The following LINS1 variants were observed in gnomAD, a reference collection of about 807,000 sequenced individuals.
LINS1 encodes the protein lines homolog 1.
In LINS1, 27 loss-of-function variants were observed where a neutral mutation model predicts 41.6. The observed-to-expected ratio is 0.65, with a 90% confidence interval of 0.48 to 0.89. The LOEUF (loss-of-function observed/expected upper bound fraction) is 0.89. Among genes scored for constraint, LINS1 ranks in the 40% least tolerant of loss-of-function variants. The pLI, the probability that LINS1 is intolerant of heterozygous loss-of-function variation, is 0.00. For missense variants in LINS1, 955 were observed against 884.1 expected, an observed-to-expected ratio of 1.08 and a Z score of -1.02; for synonymous variants, 336 against 312.9, an observed-to-expected ratio of 1.07 and a Z score of -0.78.
rs568671151 is a variant in LINS1, at chr15:100,585,304, T to A, written c.-103-4359A>T. Reference sequence around the variant, plus strand: ...GTTCTGAGGTCTAGTCCTAAACTCTTCTTAGAACCTTCTCTCGCAGTTGCA... The same window carrying A: ...GTTCTGAGGTCTAGTCCTAAACTCTACTTAGAACCTTCTCTCGCAGTTGCA... On this transcript the variant is annotated intron_variant, in intron 1 of 6. Coordinates refer to ENST00000314742, the MANE Select transcript of LINS1 (RefSeq NM_001040616.3). 1.6e-4 allele frequency among the ~76,000 whole-genome samples: 24 copies of A among 152,302 alleles called. No individual in the cohort carries two copies. In the East Asian group the frequency reaches 4.6e-3, roughly 29 times the overall value.
rs757839684 is a variant in LINS1, at chr15:100,597,867, G to C, written c.-104+4254C>G. Among the ~76,000 whole-genome samples, 4 of 152,188 alleles carry C rather than the reference G, an allele frequency of 2.6e-5. No individual in the cohort carries two copies. The East Asian group carries it at 7.7e-4, about 29-fold the overall frequency. On this transcript the variant is annotated intron_variant, in intron 1 of 6. Coordinates refer to ENST00000314742, the MANE Select transcript of LINS1 (RefSeq NM_001040616.3). ...GATCTGATTTTTCAATTGATAAAAC[G>C]AGATTATCTACCTACCTCAGCCAAG...
At chr15:100,577,765 T>C (rs1036353822) in intron 3 of LINS1, among the ~76,000 whole-genome samples, 4 of 152,140 alleles carry the variant, frequency 2.6e-5, no homozygotes, top group African/African-American at 9.7e-5. Context: ...GCTACCTGAC[T>C]TCCAACTATA....
intron 1 of LINS1, among the ~76,000 whole-genome samples, chr15:100,585,871 T>A (rs973283365): frequency 2.6e-5 from 4 of 152,222 alleles, no homozygotes; most frequent in Admixed American, 2.6e-4. Context: ...TTCAGAACCG[T>A]CAGCATACAT....
rs527939287 is a variant in LINS1, at chr15:100,580,829, C to T, written c.14G>A (p.Cys5Tyr). Residue 5 changes from cysteine to tyrosine, a missense_variant, in exon 2 of 7, where the codon TGT becomes TAT. Physicochemically the swap from Cys to Tyr is radical, Grantham distance 194. Transcript: ENST00000314742. The part of the protein sequence containing the change: MKVF[C>Y]EVLEELYKKV... ...CTTGTATAACTCTTCTAAAACTTCACAGAAAACTTTCATTTTGACTTCCAA... is the reference window on the plus strand; with the variant it reads ...CTTGTATAACTCTTCTAAAACTTCATAGAAAACTTTCATTTTGACTTCCAA... 1 of 1,612,308 alleles carries T rather than the reference C, an allele frequency of 6.2e-7. No individual in the cohort carries two copies. Among genetic ancestry groups the T allele is most frequent in the South Asian group, 1.1e-5 (1 of 90,814 alleles).
At chr15:100,595,295 G>A (rs901820884) in intron 1 of LINS1, among the ~76,000 whole-genome samples, 1 of 151,388 alleles carries the variant, frequency 6.6e-6, no homozygotes, top group Non-Finnish European at 1.5e-5. Context: ...CAAAGCACAT[G>A]ACTAGTACCT....
intron 1 of LINS1, among the ~76,000 whole-genome samples, chr15:100,600,551 C>CAAAAAAGAAAAAAAAAAAAA (rs2039437157): frequency 1.3e-5 from 1 of 79,674 alleles, no homozygotes; most frequent in Non-Finnish European, 2.2e-5. Flanking sequence ...TGCTGTTAAG[C>CAAAAAAGAAAAAAAAAAAAA]AAAAAAAAAA....
chr15:100,578,433 A>T (rs1188985202), intron 3 of LINS1, among the ~76,000 whole-genome samples: 2 of 151,928 alleles, frequency 1.3e-5, no homozygotes, highest in East Asian at 3.9e-4. Flanking sequence ...AATGCTCATC[A>T]TCACTGGCCA....
intron 1 of LINS1, among the ~76,000 whole-genome samples, chr15:100,588,564 G>A (rs2038908047): frequency 1.3e-5 from 2 of 152,074 alleles, no homozygotes; most frequent in Non-Finnish European, 2.9e-5. Flanking sequence ...TAAACATTTG[G>A]TCTAAATTAT....
At position 100,567,022 on chromosome 15, in the gene LINS1, C is replaced by T. The variant is rs1567706602; in HGVS notation, c.*2216G>A. 1 of 150,266 alleles carries T rather than the reference C, an allele frequency of 6.7e-6. No individual in the cohort carries two copies. Among genetic ancestry groups the T allele is most frequent in the South Asian group, 2.2e-4 (1 of 4,466 alleles). 9.3% of individuals were successfully genotyped at this position (150,266 alleles called of 1,614,324 possible). A position where few individuals can be genotyped will look rare whatever the true frequency, so the allele number is the denominator to read the frequency against. ...CAAAAAACAGCCATGTGTCACATGA[C>T]AGGGACATGTTCTGAGAAATGAGCT... is the stretch of plus-strand genomic sequence containing the variant. On this transcript the variant is annotated 3_prime_UTR_variant, in exon 7 of 7. Coordinates refer to ENST00000314742, the MANE Select transcript of LINS1 (RefSeq NM_001040616.3).
At chr15:100,595,911 A>G (rs2039223206) in intron 1 of LINS1, among the ~76,000 whole-genome samples, 1 of 152,182 alleles carries the variant, frequency 6.6e-6, no homozygotes, top group Non-Finnish European at 1.5e-5. Flanking sequence ...CCCTCCACCA[A>G]TCGAAACTGC....
At chr15:100,572,899 T>C in intron 5 of LINS1, 1 of 695,192 alleles carries the variant, frequency 1.4e-6, no homozygotes, top group Non-Finnish European at 1.8e-6. Flanking sequence ...ACTAATTGTA[T>C]GAAGGATTAA....
chr15:100,576,901 A>G (rs546860703), intron 3 of LINS1, among the ~76,000 whole-genome samples: 114 of 152,374 alleles, frequency 7.5e-4, no homozygotes, highest in African/African-American at 2.6e-3. Context: ...AATCCATCAT[A>G]TAAACAGAAC....
chr15:100,592,214 T>G (rs528178555), intron 1 of LINS1, among the ~76,000 whole-genome samples: 1 of 152,390 alleles, frequency 6.6e-6, no homozygotes, highest in East Asian at 1.9e-4. Context: ...ACTTTCATTT[T>G]CAATAAATCT....
chr15:100,572,810 A>T (rs149663737), intron 5 of LINS1: 1 of 934,734 alleles, frequency 1.1e-6, no homozygotes, highest in African/African-American at 1.8e-5. Context: ...TATATGTAAC[A>T]ATTTCTTTGT....
chr15:100,598,236 A>T (rs1224940913), intron 1 of LINS1, among the ~76,000 whole-genome samples: 2 of 152,204 alleles, frequency 1.3e-5, no homozygotes, highest in Admixed American at 1.3e-4. Flanking sequence ...ACAGCATTTG[A>T]TACACAGTAG....
In LINS1 at chr15:100,572,036, G is replaced by A; in HGVS notation, c.1252C>T (p.Leu418=). ...VDLQRFMSEL[L]TFLKPHLQPS... ...TGAAGATGAGGCTTTAAGAAGGTCA[G>A]TAACTCAGACATGAACCTCTGTAAG... The change falls in exon 6 of 7, where the codon CTG becomes TTG. Residue 418 remains leucine, a synonymous_variant. Transcript: ENST00000314742. 6.2e-7 allele frequency: 1 copy of A among 1,614,190 alleles called. No individual in the cohort carries two copies. The highest frequency in any genetic ancestry group is 8.5e-7 in the Non-Finnish European group (1 of 1,180,026).
chr15:100,585,072 A>G (rs2038739973), intron 1 of LINS1, among the ~76,000 whole-genome samples: 1 of 152,210 alleles, frequency 6.6e-6, no homozygotes, highest in African/African-American at 2.4e-5. Flanking sequence ...ATCAAATTAT[A>G]TGGATGTTAA....
At position 100,569,135 on chromosome 15, in the gene LINS1, A is replaced by AAG. The variant is rs2037658962; in HGVS notation, c.*102_*103insCT. On this transcript the variant is annotated 3_prime_UTR_variant, in exon 7 of 7. Coordinates refer to ENST00000314742, the MANE Select transcript of LINS1 (RefSeq NM_001040616.3). ...GAGATTCTGTCTCAAAAAAAAAAAA[A>AAG]AAAAAGAAAACCCTTTTATGGTGAT... 1.0e-5 allele frequency: 8 copies of AAG among 795,862 alleles called. No homozygotes were observed. The highest frequency in any genetic ancestry group is 1.4e-5 in the Non-Finnish European group (7 of 504,538). 49.3% of individuals were successfully genotyped at this position (795,862 alleles called of 1,614,324 possible).
intron 6 of LINS1, 141 bp from the exon 7 acceptor site, chr15:100,570,258 A>G (rs2037750538): frequency 1.6e-6 from 1 of 642,206 alleles, no homozygotes; most frequent in Non-Finnish European, 2.5e-6. Flanking sequence ...AAAAAATTTC[A>G]AAACCCATTC....
Sources: gnomAD v4.1 joint callset for allele counts (sites outside exome capture counted in the v4.1 genomes callset) on GRCh38, gnomAD v4.1.1 for gene constraint, MANE v1.5 for transcripts, NCBI Gene and HGNC (gene_info 2026-07-23, HGNC 2026-07-21) for gene names.